The following ZNF71 variants were observed in gnomAD, a reference collection of about 807,000 sequenced individuals.
The protein encoded by ZNF71 is zinc finger protein 71.
In ZNF71, 3 loss-of-function variants were observed where a neutral mutation model predicts 6.7. That is an observed-to-expected ratio of 0.45 (90% confidence interval 0.20 to 1.16). The LOEUF (loss-of-function observed/expected upper bound fraction) is 1.16, where lower values mean the gene tolerates loss of function less well. Ranked by LOEUF, ZNF71 falls within the 50% of genes most tolerant of loss-of-function variation. The pLI is 0.25. For synonymous variants in ZNF71, 343 were observed against 311.1 expected (o/e 1.10, Z -1.08); for missense variants, 688 against 728.6 (o/e 0.94, Z 0.64).
chr19:56,620,287 C>A (rs2044833645), intron 3 of ZNF71, among the ~76,000 whole-genome samples: 1 of 152,086 alleles, frequency 6.6e-6, no homozygotes, highest in African/African-American at 2.4e-5. Flanking sequence ...GCAGCCATAC[C>A]AGAGAAGTGG....
At position 56,622,244 on chromosome 19, in the gene ZNF71, C is replaced by A; in HGVS notation, c.1137C>A (p.Asn379Lys). Residue 379 changes from asparagine (N) to lysine (K), a missense_variant, in exon 4 of 4, where the codon AAC (asparagine) becomes AAA (lysine). By Grantham distance (94) the Asn-to-Lys change is moderately conservative (BLOSUM62 0). Coordinates refer to ENST00000599599, the MANE Select transcript of ZNF71 (RefSeq NM_001370215.1). ...KSSSLTLHQR[N>K]HTGEKPYVCG... ...CCTCGCTCACCCTGCACCAGAGGAA[C>A]CACACCGGCGAGAAGCCCTACGTGT... The A allele has an allele frequency of 6.2e-7, 1 of 1,607,432 alleles. No homozygotes were observed. Among genetic ancestry groups the A allele is most frequent in the East Asian group, 2.2e-5 (1 of 44,694 alleles).
At position 56,621,398 on chromosome 19, in the gene ZNF71, A is replaced by G. The variant is rs748206282; in HGVS notation, c.291A>G (p.Gly97=). Residue 97 remains glycine (G), a synonymous_variant, in exon 4 of 4, where the codon GGA becomes GGG. Transcript: ENST00000599599. ...RNGARGPGSE[G]VWEPGSWPER... ...GTGCCAGGGGTCCTGGCTCAGAAGG[A>G]GTGTGGGAACCAGGCAGCTGGCCAG... 2.5e-6 allele frequency: 4 copies of G among 1,611,190 alleles called. No homozygotes were observed. The highest frequency in any genetic ancestry group is 1.7e-5 in the Admixed American group (1 of 59,822).
chr19:56,614,110 C>T (rs1276455322), intron 3 of ZNF71, among the ~76,000 whole-genome samples, 172 bp downstream of exon 3: 1 of 152,060 alleles, frequency 6.6e-6, no homozygotes, highest in Non-Finnish European at 1.5e-5. Flanking sequence ...TAATATTTCT[C>T]ACGTGTTTTA....
chr19:56,613,900 A>T lies in ZNF71; in HGVS notation c.122A>T (p.Asp41Val). 5 of 1,089,914 alleles carry T rather than the reference A, an allele frequency of 4.6e-6. No homozygotes were observed. The highest frequency in any genetic ancestry group is 3.2e-5 in the South Asian group (1 of 31,474). The allele number at this position is 1,089,914 out of a possible 1,614,324, so 67.5% of individuals were successfully genotyped here. A position where few individuals can be genotyped will look rare whatever the true frequency, so the allele number is the denominator to read the frequency against. ...CCTGCCCAGAAGGACCTGTACAGGGATGTCATGCTGGAGAACTACAGGAAC... is the reference window on the plus strand; with the variant it reads ...CCTGCCCAGAAGGACCTGTACAGGGTTGTCATGCTGGAGAACTACAGGAAC... The part of the protein sequence containing the change: ...LEPAQKDLYR[D>V]VMLENYRNLV... The change falls in exon 3 of 4, where the codon GAT (aspartate) becomes GTT (valine). Residue 41 changes from aspartate to valine, a missense_variant. Asp to Val is a radical substitution (Grantham distance 152). Transcript: ENST00000599599. The surrounding 1 kb of genome is among the most constrained non-coding windows in gnomAD (Gnocchi z 4.6).
At chr19:56,617,545 C>CAA (rs1229092411) in intron 3 of ZNF71, among the ~76,000 whole-genome samples, 1 of 152,198 alleles carries the variant, frequency 6.6e-6, no homozygotes, top group African/African-American at 2.4e-5. Context: ...ACATTTGTAT[C>CAA]AAAAGGAATG....
chr19:56,605,492 C>T (rs984818255), intron 2 of ZNF71, among the ~76,000 whole-genome samples: 1 of 152,212 alleles, frequency 6.6e-6, no homozygotes, highest in Non-Finnish European at 1.5e-5. Context: ...ATGCCAGGCA[C>T]GAACTGCCCA....
intron 2 of ZNF71, among the ~76,000 whole-genome samples, chr19:56,604,482 T>G (rs904471575): frequency 1.3e-5 from 2 of 152,194 alleles, no homozygotes; most frequent in African/African-American, 4.8e-5. Flanking sequence ...TACTGAGAGC[T>G]TCCTCCATCA....
chr19:56,595,898 A>G (rs1225434577), intron 1 of ZNF71, among the ~76,000 whole-genome samples: 2 of 130,288 alleles, frequency 1.5e-5, no homozygotes, highest in Admixed American at 8.2e-5. Flanking sequence ...TATGAGACAG[A>G]GAGAGAAACT....
intron 2 of ZNF71, among the ~76,000 whole-genome samples, chr19:56,604,728 G>A (rs1014126560): frequency 2.0e-5 from 3 of 152,184 alleles, no homozygotes; most frequent in African/African-American, 7.2e-5. Context: ...GACCCCTCAG[G>A]CAGAGGAGGC....
In ZNF71 at chr19:56,622,525, G is replaced by T; in HGVS notation, c.1418G>T (p.Gly473Val). 1 of 1,609,398 alleles carries T rather than the reference G, an allele frequency of 6.2e-7. No homozygotes were observed. The highest frequency in any genetic ancestry group is 8.5e-7 in the Non-Finnish European group (1 of 1,176,806). The part of the protein sequence containing the change: ...VHTGEKPYVC[G>V]ECGKAFSQSA... ...ACCGGGGAGAAGCCCTACGTGTGCG[G>T]CGAGTGCGGCAAGGCCTTCAGCCAG... The change falls in exon 4 of 4, where the codon GGC (glycine) becomes GTC (valine). Residue 473 changes from glycine (G) to valine (V), a missense_variant. By Grantham distance (109) the Gly-to-Val change is moderately radical. Transcript: ENST00000599599.
chr19:56,611,558 C>G (rs971633056), intron 2 of ZNF71, among the ~76,000 whole-genome samples: 4 of 152,192 alleles, frequency 2.6e-5, no homozygotes, highest in Non-Finnish European at 5.9e-5. Flanking sequence ...GCCCGCAGAT[C>G]TCTGTGCAGA....
chr19:56,623,815 G>A lies in ZNF71; in HGVS notation c.*1058G>A, dbSNP rs561630722. 3 of 167,240 alleles carry A rather than the reference G, an allele frequency of 1.8e-5. No individual in the cohort carries two copies. The highest frequency in any genetic ancestry group is 7.2e-5 in the African/African-American group (3 of 41,562). 10.4% of individuals were successfully genotyped at this position (167,240 alleles called of 1,614,324 possible). On this transcript the variant is annotated 3_prime_UTR_variant, in exon 4 of 4. Transcript: ENST00000599599. ...CTTGTGTCTTGATGTGTGTCTTCAC[G>A]TGGTTGTAAACGGCAGACTTCCTCA...
intron 3 of ZNF71, among the ~76,000 whole-genome samples, chr19:56,619,484 T>C (rs2044826119): frequency 6.6e-6 from 1 of 152,220 alleles, no homozygotes; most frequent in Non-Finnish European, 1.5e-5. Context: ...ATGTTTTTCA[T>C]GGGGAAAGTC....
intron 1 of ZNF71, among the ~76,000 whole-genome samples, chr19:56,596,333 C>T (rs976072458): frequency 6.6e-6 from 1 of 152,020 alleles, no homozygotes; most frequent in Non-Finnish European, 1.5e-5. Flanking sequence ...GGGGTGGGTG[C>T]GTCTGGGTGT....
rs560290114 is a variant in ZNF71, at chr19:56,597,519, C to T, written c.-53+2091C>T. ...GATGCTGTACAGATGTGTCCACATC[C>T]ACATGTTTTGGTTTGTTTTTTCACA... On this transcript the variant is annotated intron_variant, in intron 1 of 3. Coordinates refer to ENST00000599599, the MANE Select transcript of ZNF71 (RefSeq NM_001370215.1). 2.6e-5 allele frequency among the ~76,000 whole-genome samples: 4 copies of T among 152,352 alleles called. No homozygotes were observed. The East Asian group carries it at 7.7e-4, about 29-fold the overall frequency.
chr19:56,619,176 G>A (rs1019178454), intron 3 of ZNF71, among the ~76,000 whole-genome samples: 6 of 152,044 alleles, frequency 3.9e-5, no homozygotes, highest in Non-Finnish European at 8.8e-5. Flanking sequence ...AACATAAAAT[G>A]TACCATTTTA....
intron 2 of ZNF71, among the ~76,000 whole-genome samples, chr19:56,612,882 T>A (rs1216233437): frequency 6.6e-6 from 1 of 152,174 alleles, no homozygotes; most frequent in East Asian, 1.9e-4. Context: ...TTAACTGATT[T>A]CATCTGCAGC....
chr19:56,601,164 G>C (rs1340632163), intron 1 of ZNF71, among the ~76,000 whole-genome samples: 6 of 152,048 alleles, frequency 3.9e-5, no homozygotes, highest in African/African-American at 7.3e-5. Context: ...TTGTAGCCTG[G>C]AGGCTAAGCT....
At chr19:56,600,744 T>C (rs1389603714) in intron 1 of ZNF71, among the ~76,000 whole-genome samples, 6 of 152,204 alleles carry the variant, frequency 3.9e-5, no homozygotes, top group African/African-American at 1.4e-4. Flanking sequence ...TGCTTTTCTT[T>C]TGTTTCAAGG....
Sources: allele counts gnomAD v4.1 joint callset (sites outside exome capture counted in the v4.1 genomes callset), GRCh38; gene constraint gnomAD v4.1.1; non-coding constraint Gnocchi (gnomAD v3.1); transcripts MANE v1.5; gene names NCBI Gene and HGNC (gene_info 2026-07-23, HGNC 2026-07-21).